Variants in CCDC141 observed in about 807,000 individuals in gnomAD.
CCDC141 encodes coiled-coil domain containing 141.
In CCDC141, 168 loss-of-function variants were observed where a neutral mutation model predicts 181.0. The observed-to-expected ratio is 0.93, with a 90% CI of 0.82 to 1.05. The LOEUF (loss-of-function observed/expected upper bound fraction) is 1.05. Among genes scored for constraint, CCDC141 ranks in the 50% least tolerant of loss-of-function variants. The probability of loss-of-function intolerance (pLI) is 0.00; values close to 1 mark genes in which losing one functional copy is unlikely to be tolerated. For synonymous variants in CCDC141, 666 were observed against 642.3 expected (o/e 1.04, Z -0.56); for missense variants, 1,902 against 1,788.5 (o/e 1.06, Z -1.14).
chr2:178,947,169 G>A (rs192897844), intron 5 of CCDC141, among the ~76,000 whole-genome samples: 60 of 152,288 alleles, frequency 3.9e-4, no homozygotes, highest in African/African-American at 1.3e-3. Flanking sequence ...CTGCCACCCA[G>A]TAAATCAGTC....
chr2:178,907,633 CTTT>C (rs1463731317), intron 7 of CCDC141, among the ~76,000 whole-genome samples: 2 of 152,274 alleles, frequency 1.3e-5, no homozygotes, highest in African/African-American at 2.4e-5. Context: ...AAGAACTCTT[CTTT>C]ATCTGATTCT....
chr2:178,994,011 C>G (rs1021187262), intron 2 of CCDC141, among the ~76,000 whole-genome samples: 1 of 152,142 alleles, frequency 6.6e-6, no homozygotes, highest in Non-Finnish European at 1.5e-5. Flanking sequence ...CAGGGTACAA[C>G]CTCCCTCCTG....
At chr2:179,032,589 A>G (rs1488936510) in intron 2 of CCDC141, among the ~76,000 whole-genome samples, 1 of 152,096 alleles carries the variant, frequency 6.6e-6, no homozygotes, top group African/African-American at 2.4e-5. Flanking sequence ...AGGACATATG[A>G]AAACACTGCT....
intron 2 of CCDC141, among the ~76,000 whole-genome samples, chr2:179,032,697 A>G (rs2043033226): frequency 6.6e-6 from 1 of 152,192 alleles, no homozygotes; most frequent in East Asian, 1.9e-4. Context: ...ACCTGGGTTT[A>G]TAGTTGCAGT....
intron 15 of CCDC141, 91 bp from the exon 16 acceptor site, chr2:178,868,296 G>A (rs1444615648): frequency 2.8e-6 from 3 of 1,076,454 alleles, no homozygotes; most frequent in Non-Finnish European, 4.1e-6. Context: ...TTTGCTAGCT[G>A]GTCGAAATGC....
chr2:178,892,465 A>T (rs1233092915), intron 8 of CCDC141, among the ~76,000 whole-genome samples: 2 of 151,992 alleles, frequency 1.3e-5, no homozygotes, highest in Non-Finnish European at 2.9e-5. Flanking sequence ...TCTCATTCCC[A>T]ATTAGAATAT....
chr2:178,939,767 G>A (rs1227581435), intron 6 of CCDC141, among the ~76,000 whole-genome samples: 3 of 151,936 alleles, frequency 2.0e-5, no homozygotes, highest in Non-Finnish European at 4.4e-5. Flanking sequence ...GTGGAGGGGG[G>A]GTGTTGGGGG....
rs1250474766 is a variant in CCDC141 at position 178,905,390 on chromosome 2, C to G, written c.1204G>C (p.Asp402His). 15 of 1,550,726 alleles carry G rather than the reference C, an allele frequency of 9.7e-6. No homozygotes were observed. Among genetic ancestry groups the G allele is most frequent in the Non-Finnish European group, 1.3e-5 (15 of 1,146,964 alleles). Reference sequence around the variant, plus strand: ...TTTTGCAAAGCATCAGTTGTGCAGTCTTTAATTTTTCTGTGTAATTCCTCA... The same window carrying G: ...TTTTGCAAAGCATCAGTTGTGCAGTGTTTAATTTTTCTGTGTAATTCCTCA... ...RHEELHRKIK[D>H]CTTDALQKGQ... The change falls in exon 8 of 24, where the codon GAC (aspartate) becomes CAC (histidine). Residue 402 changes from aspartate (D) to histidine (H), a missense_variant. By Grantham distance (81) the Asp-to-His change is moderately conservative. Transcript: ENST00000443758.
In CCDC141 at chr2:178,870,231, CAAAAAAAAA is replaced by C. The variant is rs34625707; in HGVS notation, c.2206-935_2206-927del. Among the ~76,000 whole-genome samples the C allele has an allele frequency of 6.6e-5, 4 of 60,292 alleles. No individual in the cohort carries two copies. In the South Asian group the frequency reaches 2.7e-3, roughly 41 times the overall value. 39.6% of individuals were successfully genotyped at this position (60,292 alleles called of 152,430 possible). A position where few individuals can be genotyped will look rare whatever the true frequency, so the allele number is the denominator to read the frequency against. On this transcript the variant is annotated intron_variant, in intron 14 of 23. Coordinates refer to ENST00000443758, the MANE Select transcript of CCDC141 (RefSeq NM_173648.4). ...TGGGCAACAGAGTAAGACTCTGTCT[CAAAAAAAAA>C]AAAAAAAAAAAAAAGACAGTGAGAG...
At chr2:179,013,177 C>G (rs1274178296) in intron 2 of CCDC141, among the ~76,000 whole-genome samples, 1 of 152,086 alleles carries the variant, frequency 6.6e-6, no homozygotes, top group African/African-American at 2.4e-5. Context: ...TGTCAAACTG[C>G]CCCTGTTTGC....
rs1685827229 is a variant in CCDC141 at position 178,865,856 on chromosome 2, T to C, written c.2635A>G (p.Ser879Gly). The change falls in exon 17 of 24, where the codon AGC (serine) becomes GGC (glycine). Residue 879 changes from serine (S) to glycine (G), a missense_variant. Transcript: ENST00000443758. ...QQQLELLEED[S>G]MKWRAKAEEY... is the part of the protein sequence containing the mutation. Reference sequence around the variant, plus strand: ...TCAGCTTTGGCACGCCACTTCATGCTGTCCTCCTCAAGGAGCTCCAGCTGC... The same window carrying C: ...TCAGCTTTGGCACGCCACTTCATGCCGTCCTCCTCAAGGAGCTCCAGCTGC... 1.2e-6 allele frequency: 2 copies of C among 1,606,364 alleles called. No homozygotes were observed. Among genetic ancestry groups the C allele is most frequent in the Admixed American group, 1.7e-5 (1 of 59,040 alleles).
At chr2:179,025,123 C>A (rs575085763) in intron 2 of CCDC141, among the ~76,000 whole-genome samples, 1 of 150,280 alleles carries the variant, frequency 6.7e-6, no homozygotes, top group Non-Finnish European at 1.5e-5. Context: ...TTTTTAACTT[C>A]TACTTTAAGA....
At chr2:178,910,208 A>C (rs1323886789) in intron 7 of CCDC141, among the ~76,000 whole-genome samples, 1 of 152,234 alleles carries the variant, frequency 6.6e-6, no homozygotes. Flanking sequence ...TATCTGCAAG[A>C]CGAATTCAAA....
chr2:179,021,845 A>G (rs919376799), intron 2 of CCDC141, among the ~76,000 whole-genome samples: 1 of 152,324 alleles, frequency 6.6e-6, no homozygotes, highest in Non-Finnish European at 1.5e-5. Flanking sequence ...TATGAGACTA[A>G]GTATAATGTA....
At chr2:178,906,259 T>G (rs1345698575) in intron 7 of CCDC141, among the ~76,000 whole-genome samples, 1 of 152,204 alleles carries the variant, frequency 6.6e-6, no homozygotes, top group African/African-American at 2.4e-5. Context: ...GGATTAAGCT[T>G]ATAGAATTAA....
At chr2:178,984,370 T>C (rs1691603537) in intron 2 of CCDC141, among the ~76,000 whole-genome samples, 1 of 150,900 alleles carries the variant, frequency 6.6e-6, no homozygotes, top group Non-Finnish European at 1.5e-5. Flanking sequence ...CATGCCAAAA[T>C]GTAACGACCA....
At position 178,837,036 on chromosome 2, in the gene CCDC141, T is replaced by G; in HGVS notation, c.4183A>C (p.Thr1395Pro). The G allele has an allele frequency of 6.2e-7, 1 of 1,614,058 alleles. No individual in the cohort carries two copies. The highest frequency in any genetic ancestry group is 2.2e-5 in the East Asian group (1 of 44,848). ...CTGACCACGCTGCTCTTTGCTGATG[T>G]GCTTTTAATCTCTTCTCGAGGAACC... ...QMVPREEIKSTSAKSSVVSLA... is the reference protein window; with the variant it reads ...QMVPREEIKSPSAKSSVVSLA... The change falls in exon 23 of 24, where the codon ACA becomes CCA. Residue 1395 changes from threonine (T) to proline (P), a missense_variant. Coordinates refer to ENST00000443758, the MANE Select transcript of CCDC141 (RefSeq NM_173648.4).
At chr2:178,887,160 T>C (rs1023885405) in intron 9 of CCDC141, among the ~76,000 whole-genome samples, 4 of 152,164 alleles carry the variant, frequency 2.6e-5, no homozygotes, top group African/African-American at 9.7e-5. Flanking sequence ...TCTAAGAACT[T>C]ATCTATATTA....
chr2:179,040,482 A>C (rs1466090848), intron 2 of CCDC141, among the ~76,000 whole-genome samples: 2 of 152,152 alleles, frequency 1.3e-5, no homozygotes, highest in Non-Finnish European at 2.9e-5. Flanking sequence ...CCATCACCCA[A>C]GTATTAACCC....
Sources: gnomAD v4.1 joint callset for allele counts (sites outside exome capture counted in the v4.1 genomes callset) on GRCh38, gnomAD v4.1.1 for gene constraint, MANE v1.5 for transcripts, NCBI Gene and HGNC (gene_info 2026-07-23, HGNC 2026-07-21) for gene names.